The following TRAPPC8 variants were observed in gnomAD, a reference collection of about 807,000 sequenced individuals.
The protein encoded by TRAPPC8 is general sporulation gene 1 homolog.
TRAPPC8 carries 54 observed loss-of-function variants against 174.3 expected under a neutral mutation model. The observed-to-expected ratio is 0.31, with a 90% CI of 0.25 to 0.39. The LOEUF (loss-of-function observed/expected upper bound fraction) is 0.39. TRAPPC8 is among the 10% of genes least tolerant of loss of function. The probability of loss-of-function intolerance (pLI) is 1.00; values close to 1 mark genes in which losing one functional copy is unlikely to be tolerated. For missense variants in TRAPPC8, 1,531 were observed against 1,699.1 expected, an observed-to-expected ratio of 0.90 and a Z score of 1.74; for synonymous variants, 630 against 579.9, an observed-to-expected ratio of 1.09 and a Z score of -1.24.
intron 26 of TRAPPC8, among the ~76,000 whole-genome samples, chr18:31,843,469 A>G (rs1298314808): frequency 3.3e-5 from 5 of 151,838 alleles, no homozygotes; most frequent in African/African-American, 7.3e-5. Context: ...TTTATTCTTT[A>G]TAAGGCAGAA....
At chr18:31,862,271 C>T (rs561601924) in intron 19 of TRAPPC8, among the ~76,000 whole-genome samples, 5 of 149,850 alleles carry the variant, frequency 3.3e-5, no homozygotes, top group South Asian at 2.1e-4. Context: ...AAAGCCTGGA[C>T]GAAAATGGCA....
chr18:31,935,885 G>A (rs1026857945), intron 1 of TRAPPC8, among the ~76,000 whole-genome samples: 9 of 151,506 alleles, frequency 5.9e-5, no homozygotes, highest in Non-Finnish European at 1.3e-4. Context: ...ACAGGCGCCC[G>A]CCACCACACC....
chr18:31,861,479 T>A (rs968546936), intron 19 of TRAPPC8, among the ~76,000 whole-genome samples: 4 of 152,182 alleles, frequency 2.6e-5, no homozygotes, highest in African/African-American at 9.7e-5. Flanking sequence ...GAAAAAACTT[T>A]CACTTAGAAA....
intron 12 of TRAPPC8, among the ~76,000 whole-genome samples, chr18:31,890,206 G>A (rs2035894347): frequency 6.6e-6 from 1 of 152,068 alleles, no homozygotes; most frequent in East Asian, 1.9e-4. Context: ...TCCGACTAAT[G>A]GTTCTAGGAC....
At chr18:31,925,539 C>T (rs1371289178) in intron 2 of TRAPPC8, among the ~76,000 whole-genome samples, 1 of 152,088 alleles carries the variant, frequency 6.6e-6, no homozygotes, top group East Asian at 1.9e-4. Context: ...CTACATCCAA[C>T]TAACAGTAGT....
rs35234467 is a variant in TRAPPC8 at position 31,932,997 on chromosome 18, CAAAAAAAAAAA to C, written c.158-1485_158-1475del. Among the ~76,000 whole-genome samples, 105 of 42,688 alleles carry C rather than the reference CAAAAAAAAAAA, an allele frequency of 2.5e-3. 1 individual carries two copies. The highest frequency in any genetic ancestry group is 9.4e-3 in the African/African-American group (63 of 6,714). 28.0% of individuals were successfully genotyped at this position (42,688 alleles called of 152,430 possible). A position where few individuals can be genotyped will look rare whatever the true frequency, so the allele number is the denominator to read the frequency against. ...TGGGCGACAGAGTGAGACTCCGTCT[CAAAAAAAAAAA>C]AAAAAAAAAAAAGCCGGGCGCAGTG... is the stretch of plus-strand genomic sequence containing the variant. On this transcript the variant is annotated intron_variant, in intron 1 of 28. Transcript: ENST00000283351.
At chr18:31,920,846 C>G (rs2145567143) in intron 2 of TRAPPC8, among the ~76,000 whole-genome samples, 1 of 149,226 alleles carries the variant, frequency 6.7e-6, no homozygotes, top group South Asian at 2.1e-4. Flanking sequence ...GAGACTGAGG[C>G]AGGACAATCG....
chr18:31,930,155 T>C (rs1189725616), intron 2 of TRAPPC8, among the ~76,000 whole-genome samples: 1 of 152,044 alleles, frequency 6.6e-6, no homozygotes, highest in Non-Finnish European at 1.5e-5. Context: ...AGTCTCGCTC[T>C]GTTGCCCAGG....
In TRAPPC8 at chr18:31,922,203, A is replaced by G. The variant is rs145658174; in HGVS notation, c.353-4536T>C. On this transcript the variant is annotated intron_variant, in intron 2 of 28. Transcript: ENST00000283351. ...AGTTTGAAACTATGTGAATGTACAC[A>G]TAATTAAAAATAAATTAAAAAGCAA... Among the ~76,000 whole-genome samples, 85 of 152,368 alleles carry G rather than the reference A, an allele frequency of 5.6e-4. 1 individual carries two copies. In the East Asian group the frequency reaches 0.014, roughly 25 times the overall value.
At position 31,866,860 on chromosome 18, in the gene TRAPPC8, C is replaced by G. The variant is rs1478736768; in HGVS notation, c.2579G>C (p.Gly860Ala). 1.1e-5 allele frequency: 17 copies of G among 1,613,216 alleles called. No individual in the cohort carries two copies. The highest frequency in any genetic ancestry group is 1.4e-5 in the Non-Finnish European group (17 of 1,179,482). Residue 860 changes from glycine (G) to alanine (A), a missense_variant, in exon 18 of 29, where the codon GGA becomes GCA. Physicochemically the swap from Gly to Ala is moderately conservative, Grantham distance 60 (BLOSUM62 0). Transcript: ENST00000283351. Reference protein sequence around the residue: ...MTVDGIGALPGCHTGKYSLSM... With the variant: ...MTVDGIGALPACHTGKYSLSM... ...GCTATAGCCTTTACCTGTGTGACATCCGGGAAGAGCACCAATGCCATCTAC... is the reference window on the plus strand; with the variant it reads ...GCTATAGCCTTTACCTGTGTGACATGCGGGAAGAGCACCAATGCCATCTAC...
Position 31,867,273 on chromosome 18 carries a change from TC to T in TRAPPC8, c.2463+128del, listed in dbSNP as rs2034631986. ...AATTTCCTCCTGAGCAATTCCTATG[TC>T]CTAATCTTCCAAATTTTAGTTCTTA... On this transcript the variant is annotated intron_variant, in intron 17 of 28. Transcript: ENST00000283351. 2.1e-5 allele frequency: 16 copies of T among 760,740 alleles called. No homozygotes were observed. The South Asian group carries it at 2.8e-4, about 13-fold the overall frequency. The allele number at this position is 760,740 out of a possible 1,614,324, so 47.1% of individuals were successfully genotyped here. A position where few individuals can be genotyped will look rare whatever the true frequency, so the allele number is the denominator to read the frequency against.
intron 2 of TRAPPC8, among the ~76,000 whole-genome samples, chr18:31,918,010 C>T (rs1039433784): frequency 1.3e-5 from 2 of 152,046 alleles, no homozygotes; most frequent in African/African-American, 4.8e-5. Flanking sequence ...ACTGTAATCC[C>T]AGCTACTCAG....
At chr18:31,893,310 T>C (rs2036039715) in intron 11 of TRAPPC8, among the ~76,000 whole-genome samples, 1 of 152,140 alleles carries the variant, frequency 6.6e-6, no homozygotes, top group African/African-American at 2.4e-5. Flanking sequence ...TGTCAAGATA[T>C]TACATCAAAC....
Position 31,866,946 on chromosome 18 carries a change from T to A in TRAPPC8, c.2493A>T (p.Ile831=), listed in dbSNP as rs750608743. 6.2e-7 allele frequency: 1 copy of A among 1,613,520 alleles called. No homozygotes were observed. The highest frequency in any genetic ancestry group is 1.3e-5 in the African/African-American group (1 of 74,908). Residue 831 remains isoleucine (I), a synonymous_variant, in exon 18 of 29, where the codon ATA becomes ATT. Transcript: ENST00000283351. ...VARLKLFPHH[I]GELHILGVVY... ...CAACTCCCAGAATATGCAGCTCCCC[T>A]ATGTGATGGGGAAAGAGCTTTAGTC... is the stretch of plus-strand genomic sequence containing the variant.
intron 26 of TRAPPC8, among the ~76,000 whole-genome samples, chr18:31,842,309 G>A (rs2033148675): frequency 6.6e-6 from 1 of 152,228 alleles, no homozygotes; most frequent in Non-Finnish European, 1.5e-5. Flanking sequence ...GAATGCCAAT[G>A]TATAGTGATA....
rs758944319 is a variant in TRAPPC8, at chr18:31,853,845, A to G, written c.3433+4T>C. The G allele has an allele frequency of 2.5e-6, 4 of 1,599,424 alleles. No homozygotes were observed. Among genetic ancestry groups the G allele is most frequent in the Non-Finnish European group, 3.4e-6 (4 of 1,174,994 alleles). On this transcript the variant is annotated splice_donor_region_variant and intron_variant, in intron 22 of 28. Transcript: ENST00000283351. Reference sequence around the variant, plus strand: ...TTATTATGTAGCAGGAAAAACAAACAAACCTTTGTTTTCAGAAAGATTTAC... The same window carrying G: ...TTATTATGTAGCAGGAAAAACAAACGAACCTTTGTTTTCAGAAAGATTTAC...
At position 31,913,302 on chromosome 18, in the gene TRAPPC8, G is replaced by C; in HGVS notation, c.771+67C>G. On this transcript the variant is annotated intron_variant, in intron 5 of 28. Coordinates refer to ENST00000283351, the MANE Select transcript of TRAPPC8 (RefSeq NM_014939.5). The stretch of plus-strand genomic sequence containing the variant: ...ACAATTAATATGAATAATTATACTA[G>C]TTAAACCAAAACGTAAAAACTGAAG... 2.0e-6 allele frequency: 3 copies of C among 1,494,158 alleles called. No homozygotes were observed. The South Asian group carries it at 4.1e-5, about 21-fold the overall frequency. The allele number at this position is 1,494,158 out of a possible 1,614,324, so 92.6% of individuals were successfully genotyped here. A position where few individuals can be genotyped will look rare whatever the true frequency, so the allele number is the denominator to read the frequency against.
chr18:31,869,588 C>T (rs2034742694), intron 16 of TRAPPC8, among the ~76,000 whole-genome samples: 1 of 151,988 alleles, frequency 6.6e-6, no homozygotes, highest in South Asian at 2.1e-4. Context: ...ACAGTATTAC[C>T]GTGATAGTCA....
intron 21 of TRAPPC8, among the ~76,000 whole-genome samples, chr18:31,855,059 AGGCATGGT>A (rs1568048362): frequency 6.7e-6 from 1 of 149,928 alleles, no homozygotes; most frequent in South Asian, 2.1e-4. Flanking sequence ...AAAATGAGCC[AGGCATGGT>A]GGCATGTGCC....
Sources: gnomAD v4.1 joint callset for allele counts (sites outside exome capture counted in the v4.1 genomes callset) on GRCh38, gnomAD v4.1.1 for gene constraint, MANE v1.5 for transcripts, NCBI Gene and HGNC (gene_info 2026-07-23, HGNC 2026-07-21) for gene names.